ZNF827: variants seen among roughly 807,000 people sequenced by gnomAD.
The protein encoded by ZNF827 is zinc finger protein 827.
ZNF827 carries 13 observed loss-of-function variants against 102.4 expected under a neutral mutation model. The ratio of observed to expected loss-of-function variants is 0.13; its 90% confidence interval spans 0.08 to 0.20. The LOEUF (loss-of-function observed/expected upper bound fraction) is 0.20. ZNF827 is among the 10% of genes least tolerant of loss of function. The pLI is 1.00. For synonymous variants in ZNF827, 523 were observed against 536.2 expected, an observed-to-expected ratio of 0.98 and a Z score of 0.34; for missense variants, 1,103 against 1,344.4, an observed-to-expected ratio of 0.82 and a Z score of 2.81.
chr4:145,928,393 T>A (rs1350608692), intron 1 of ZNF827, among the ~76,000 whole-genome samples: 1 of 152,204 alleles, frequency 6.6e-6, no homozygotes, highest in Non-Finnish European at 1.5e-5. Flanking sequence ...AACCACTGGG[T>A]TGGCTGATGG....
chr4:145,845,839 G>C, intron 7 of ZNF827, 117 bp downstream of exon 7: 1 of 968,890 alleles, frequency 1.0e-6, no homozygotes. Context: ...GGTGGTAAAG[G>C]GTGTGACTCC....
At chr4:145,911,824 G>A (rs1469016701) in intron 1 of ZNF827, among the ~76,000 whole-genome samples, 1 of 152,188 alleles carries the variant, frequency 6.6e-6, no homozygotes, top group Non-Finnish European at 1.5e-5. Flanking sequence ...TCTAGAACAA[G>A]CCACTGCATA....
At chr4:145,805,454 A>G (rs1579240712) in intron 8 of ZNF827, among the ~76,000 whole-genome samples, 2 of 152,102 alleles carry the variant, frequency 1.3e-5, no homozygotes, top group Admixed American at 1.3e-4. Context: ...ATTGGGCAAC[A>G]CTCACCATCA....
intron 1 of ZNF827, among the ~76,000 whole-genome samples, chr4:145,919,517 C>T (rs530162684): frequency 3.3e-4 from 50 of 152,292 alleles, no homozygotes; most frequent in African/African-American, 1.1e-3. Flanking sequence ...GACCTGGTTC[C>T]ACTTTGAATT....
chr4:145,768,048 A>T lies in ZNF827; in HGVS notation c.2861-2310T>A, dbSNP rs542135666. Among the ~76,000 whole-genome samples the T allele has an allele frequency of 2.0e-5, 3 of 152,404 alleles. No homozygotes were observed. In the South Asian group the frequency reaches 6.2e-4, roughly 32 times the overall value. On this transcript the variant is annotated intron_variant, in intron 11 of 14. Transcript: ENST00000508784. ...GGGTTTATAAAACATATAAGTAAAC[A>T]TATGACAATAGTATAAACGCTAGGA... is the stretch of plus-strand genomic sequence containing the variant.
intron 5 of ZNF827, among the ~76,000 whole-genome samples, chr4:145,855,750 T>C (rs1224595747): frequency 2.0e-5 from 3 of 152,214 alleles, no homozygotes; most frequent in Non-Finnish European, 4.4e-5. Flanking sequence ...CATGTTTGGC[T>C]TCTCCTTCTT....
rs993560452 is a variant in ZNF827 at position 145,774,753 on chromosome 4, A to T, written c.2694-81T>A. ...AAATGTAGGCTGTCCATTTATACAC[A>T]GTACACTCAAGAAAACTGGAATTTG... On this transcript the variant is annotated intron_variant, in intron 10 of 14. Coordinates refer to ENST00000508784, the MANE Select transcript of ZNF827 (RefSeq NM_001306215.2). The T allele has an allele frequency of 3.7e-5, 53 of 1,429,984 alleles. No homozygotes were observed. The African/African-American group carries it at 7.2e-4, about 19-fold the overall frequency. 88.6% of individuals were successfully genotyped at this position (1,429,984 alleles called of 1,614,324 possible).
chr4:145,835,149 C>T (rs1170278055), intron 7 of ZNF827: 3 of 152,236 alleles, frequency 2.0e-5, no homozygotes, highest in Non-Finnish European at 4.4e-5. Context: ...CTCCCAGAGC[C>T]CCTGGAACTC....
intron 1 of ZNF827, among the ~76,000 whole-genome samples, chr4:145,937,771 C>CG: frequency 6.7e-6 from 1 of 148,518 alleles, no homozygotes; most frequent in South Asian, 2.1e-4. Context: ...GCCGGCGGCT[C>CG]GGGGGCCGAC....
chr4:145,790,273 CTT>C (rs948681502), intron 8 of ZNF827, among the ~76,000 whole-genome samples: 2 of 152,056 alleles, frequency 1.3e-5, no homozygotes, highest in African/African-American at 2.4e-5. Flanking sequence ...CCTCTTTTCT[CTT>C]GTTTGTCATT....
intron 3 of ZNF827, among the ~76,000 whole-genome samples, chr4:145,889,053 TAGA>T (rs1561045380): frequency 1.3e-5 from 2 of 152,150 alleles, no homozygotes; most frequent in Non-Finnish European, 2.9e-5. Flanking sequence ...TATACCAATA[TAGA>T]AGAATATACA....
At chr4:145,878,438 T>C (rs1749344452) in intron 4 of ZNF827, among the ~76,000 whole-genome samples, 1 of 151,978 alleles carries the variant, frequency 6.6e-6, no homozygotes, top group African/African-American at 2.4e-5. Flanking sequence ...CTGAGCATGG[T>C]GGCCTGTGCC....
At chr4:145,858,073 T>A (rs1747330667) in intron 5 of ZNF827, among the ~76,000 whole-genome samples, 2 of 152,110 alleles carry the variant, frequency 1.3e-5, no homozygotes, top group Non-Finnish European at 1.5e-5. Context: ...TTATATGTTG[T>A]GAATAATAGG....
intron 5 of ZNF827, among the ~76,000 whole-genome samples, chr4:145,858,006 A>G (rs1311223205): frequency 1.3e-5 from 2 of 152,260 alleles, no homozygotes; most frequent in African/African-American, 4.8e-5. Context: ...ATCTAACCTT[A>G]AAGCTATTTA....
intron 4 of ZNF827, among the ~76,000 whole-genome samples, chr4:145,878,187 T>C (rs750991559): frequency 6.6e-6 from 1 of 152,160 alleles, no homozygotes; most frequent in Non-Finnish European, 1.5e-5. Context: ...TGGCAGACCA[T>C]GAAATGGCTA....
chr4:145,903,210 T>C lies in ZNF827; in HGVS notation c.49A>G (p.Ser17Gly), dbSNP rs1201123243. Residue 17 changes from serine (S) to glycine (G), a missense_variant, in exon 2 of 15, where the codon AGT becomes GGT. Physicochemically the swap from Ser to Gly is moderately conservative, Grantham distance 56. Coordinates refer to ENST00000508784, the MANE Select transcript of ZNF827 (RefSeq NM_001306215.2). Reference sequence around the variant, plus strand: ...TCTCCCTCCGCCTCTTCCTGCCTACTAACATCTGGGGAGAATTAAGAAGAT... The same window carrying C: ...TCTCCCTCCGCCTCTTCCTGCCTACCAACATCTGGGGAGAATTAAGAAGAT... ...EQPKRLPSHV[S>G]RQEEAEGELS... The C allele has an allele frequency of 6.2e-7, 1 of 1,607,012 alleles. No individual in the cohort carries two copies. Among genetic ancestry groups the C allele is most frequent in the Non-Finnish European group, 8.5e-7 (1 of 1,175,310 alleles).
chr4:145,896,061 T>C (rs1750947243), intron 2 of ZNF827, among the ~76,000 whole-genome samples: 1 of 152,194 alleles, frequency 6.6e-6, no homozygotes, highest in South Asian at 2.1e-4. Context: ...ACATATTCTC[T>C]TCATAGGCAA....
chr4:145,808,122 T>C (rs1171331231), intron 8 of ZNF827, among the ~76,000 whole-genome samples: 1 of 149,782 alleles, frequency 6.7e-6, no homozygotes, highest in African/African-American at 2.5e-5. Context: ...ATACAGTACA[T>C]AGAAAATTAG....
rs542468930 is a variant in ZNF827, at chr4:145,908,051, CT to C, written c.44-4837del. Among the ~76,000 whole-genome samples the C allele has an allele frequency of 3.9e-3, 589 of 152,270 alleles. 2 individuals carry two copies. In the Middle Eastern group the frequency reaches 0.041, roughly 11 times the overall value. On this transcript the variant is annotated intron_variant, in intron 1 of 14. Coordinates refer to ENST00000508784, the MANE Select transcript of ZNF827 (RefSeq NM_001306215.2). ...TTGCTGCATTCTCGGTAGAGAATGTCTTTTCAACTCACTTCCTTTTTGGTTT... is the reference window on the plus strand; with the variant it reads ...TTGCTGCATTCTCGGTAGAGAATGTCTTTCAACTCACTTCCTTTTTGGTTT...
Sources: gnomAD v4.1 joint callset for allele counts (sites outside exome capture counted in the v4.1 genomes callset) on GRCh38, gnomAD v4.1.1 for gene constraint, MANE v1.5 for transcripts, NCBI Gene and HGNC (gene_info 2026-07-23, HGNC 2026-07-21) for gene names.